MCTP1: variants seen among roughly 807,000 people sequenced by gnomAD.
MCTP1 encodes multiple C2 and transmembrane domain containing 1.
MCTP1 carries 69 observed loss-of-function variants against 120.6 expected under a neutral mutation model. The observed-to-expected ratio is 0.57, with a 90% confidence interval of 0.47 to 0.70. The LOEUF is 0.70. Among genes scored for constraint, MCTP1 ranks in the 30% least tolerant of loss-of-function variants. MCTP1 has a pLI of 0.00. For missense variants in MCTP1, 1,203 were observed against 1,248.8 expected, an observed-to-expected ratio of 0.96 and a Z score of 0.55; for synonymous variants, 529 against 493.1, an observed-to-expected ratio of 1.07 and a Z score of -0.96.
intron 5 of MCTP1, among the ~76,000 whole-genome samples, chr5:94,933,267 C>T (rs144940604): frequency 4.6e-5 from 7 of 151,616 alleles, no homozygotes; most frequent in African/African-American, 1.7e-4. Context: ...TTTCAAAGTA[C>T]TAAATGTCCA....
At chr5:95,102,781 C>T (rs905364316) in intron 1 of MCTP1, among the ~76,000 whole-genome samples, 1 of 152,196 alleles carries the variant, frequency 6.6e-6, no homozygotes, top group Non-Finnish European at 1.5e-5. Context: ...GGAGGTGATA[C>T]ATTAGCTAAG....
intron 1 of MCTP1, among the ~76,000 whole-genome samples, chr5:95,127,592 A>G (rs1758730343): frequency 6.6e-6 from 1 of 152,178 alleles, no homozygotes; most frequent in African/African-American, 2.4e-5. Flanking sequence ...ATTAAGGAGC[A>G]CAGAGGAGGT....
intron 6 of MCTP1, chr5:94,929,737 A>T: frequency 5.3e-6 from 5 of 939,564 alleles, no homozygotes; most frequent in African/African-American, 1.8e-5. Flanking sequence ...TGAAATGTCA[A>T]ACTTTCCCCC....
intron 1 of MCTP1, among the ~76,000 whole-genome samples, chr5:95,074,878 A>C (rs1387744096): frequency 6.6e-6 from 1 of 152,230 alleles, no homozygotes; most frequent in Non-Finnish European, 1.5e-5. Flanking sequence ...TAAATACTAA[A>C]TTCAGATAGG....
At chr5:95,048,589 T>C (rs1376975636) in intron 1 of MCTP1, among the ~76,000 whole-genome samples, 1 of 152,078 alleles carries the variant, frequency 6.6e-6, no homozygotes, top group East Asian at 1.9e-4. Context: ...ATTAAGCAAC[T>C]AAAGGACACC....
intron 17 of MCTP1, among the ~76,000 whole-genome samples, chr5:94,820,331 A>G (rs2153099326): frequency 1.3e-5 from 2 of 152,352 alleles, no homozygotes; most frequent in South Asian, 4.1e-4. Flanking sequence ...CTTATCACCA[A>G]AGCATAGCAA....
chr5:94,911,392 G>T (rs1441661406), intron 9 of MCTP1, among the ~76,000 whole-genome samples: 4 of 152,210 alleles, frequency 2.6e-5, no homozygotes, highest in Admixed American at 6.5e-5. Context: ...CTCCCCACAT[G>T]TTGGAGGAGG....
intron 3 of MCTP1, among the ~76,000 whole-genome samples, chr5:94,950,076 C>A (rs1006162331): frequency 6.6e-6 from 1 of 150,998 alleles, no homozygotes; most frequent in African/African-American, 2.4e-5. Context: ...AGGCATTTTA[C>A]AGAAAATGAA....
intron 1 of MCTP1, among the ~76,000 whole-genome samples, chr5:95,085,201 C>G (rs1217420680): frequency 6.6e-6 from 1 of 152,038 alleles, no homozygotes; most frequent in African/African-American, 2.4e-5. Context: ...CATTACCTAT[C>G]CCATCCCTTC....
At chr5:94,935,953 T>C (rs1218457225) in intron 5 of MCTP1, among the ~76,000 whole-genome samples, 2 of 152,090 alleles carry the variant, frequency 1.3e-5, no homozygotes, top group Non-Finnish European at 2.9e-5. Context: ...AAAATTTAAC[T>C]TTAAGATACA....
intron 1 of MCTP1, among the ~76,000 whole-genome samples, chr5:95,154,986 T>C (rs1744943153): frequency 6.6e-6 from 1 of 152,148 alleles, no homozygotes; most frequent in Non-Finnish European, 1.5e-5. Context: ...GTTTAGACAC[T>C]ATGCTGGTAG....
chr5:94,773,792 AACAGC>A (rs1049856649), intron 19 of MCTP1, among the ~76,000 whole-genome samples: 8 of 152,150 alleles, frequency 5.3e-5, no homozygotes, highest in African/African-American at 1.7e-4. Context: ...CTATCATGAG[AACAGC>A]ACAGGAAAGA....
chr5:95,092,179 G>T (rs1363814885), intron 1 of MCTP1, among the ~76,000 whole-genome samples: 3 of 152,044 alleles, frequency 2.0e-5, no homozygotes, highest in Non-Finnish European at 4.4e-5. Context: ...TGTTGTTGTT[G>T]TTTTATTTTG....
chr5:94,735,100 T>C (rs1027809952), intron 19 of MCTP1, among the ~76,000 whole-genome samples: 1 of 152,212 alleles, frequency 6.6e-6, no homozygotes. Flanking sequence ...GATTTGTGTT[T>C]TTGTAATTTT....
intron 1 of MCTP1, among the ~76,000 whole-genome samples, chr5:95,197,350 G>A (rs903791043): frequency 2.6e-5 from 4 of 152,126 alleles, no homozygotes; most frequent in Admixed American, 6.6e-5. Flanking sequence ...ATAATAATCT[G>A]ACTATTCAGC....
intron 3 of MCTP1, among the ~76,000 whole-genome samples, chr5:94,948,438 T>C (rs567101778): frequency 1.3e-5 from 2 of 152,336 alleles, no homozygotes; most frequent in African/African-American, 4.8e-5. Flanking sequence ...CATGCTTTTT[T>C]GTTTGTTTTG....
At chr5:95,005,988 A>C (rs1014351481) in intron 2 of MCTP1, among the ~76,000 whole-genome samples, 4 of 151,910 alleles carry the variant, frequency 2.6e-5, no homozygotes, top group African/African-American at 9.7e-5. Flanking sequence ...GTGCTCACAC[A>C]CCCCCACTCT....
intron 1 of MCTP1, among the ~76,000 whole-genome samples, chr5:95,091,854 G>T (rs929780183): frequency 6.6e-6 from 1 of 152,194 alleles, no homozygotes; most frequent in Non-Finnish European, 1.5e-5. Flanking sequence ...CAGAAGTGGG[G>T]TTTACCATAA....
chr5:95,149,195 G>C (rs1347222983), intron 1 of MCTP1, among the ~76,000 whole-genome samples: 1 of 152,132 alleles, frequency 6.6e-6, no homozygotes, highest in Non-Finnish European at 1.5e-5. Context: ...ATAGGCTTAG[G>C]ACTCCCTCAG....
Sources: allele counts gnomAD v4.1 joint callset (sites outside exome capture counted in the v4.1 genomes callset), GRCh38; gene constraint gnomAD v4.1.1; transcripts MANE v1.5; gene names NCBI Gene and HGNC (gene_info 2026-07-23, HGNC 2026-07-21).